The following DRC11 variants were observed in gnomAD, a reference collection of about 807,000 sequenced individuals.
DRC11 encodes IQ and AAA domain-containing protein 1.
chr2:236,433,569 T>C, the DRC11 span, among the ~76,000 whole-genome samples: 2 of 152,250 alleles, frequency 1.3e-5, no homozygotes, highest in Admixed American at 6.5e-5. Context: ...ACAACAGCGA[T>C]TGCTTTCTGC....
chr2:236,504,624 G>A, the DRC11 span, among the ~76,000 whole-genome samples: 1 of 152,162 alleles, frequency 6.6e-6, no homozygotes, highest in Non-Finnish European at 1.5e-5. The surrounding 1 kb of genome is among the most constrained non-coding windows in gnomAD (Gnocchi z 5.0). Flanking sequence ...ACTACTGTGG[G>A]ATGGTGATGT....
At chr2:236,310,848 T>G in the DRC11 span, among the ~76,000 whole-genome samples, 1 of 152,364 alleles carries the variant, frequency 6.6e-6, no homozygotes, top group East Asian at 1.9e-4. The surrounding 1 kb of genome is among the most constrained non-coding windows in gnomAD (Gnocchi z 5.5). Context: ...AAGCTTCCCT[T>G]AGAGAATGCT....
At chr2:236,383,206 C>A in the DRC11 span, among the ~76,000 whole-genome samples, 1 of 152,094 alleles carries the variant, frequency 6.6e-6, no homozygotes, top group Non-Finnish European at 1.5e-5. Flanking sequence ...AGAATGTATC[C>A]ATTTCTTCTA....
chr2:236,485,712 T>C, the DRC11 span, among the ~76,000 whole-genome samples: 4 of 152,164 alleles, frequency 2.6e-5, no homozygotes, highest in South Asian at 8.3e-4. Flanking sequence ...CATTCCAAGC[T>C]ACTGCAGGGA....
the DRC11 span, among the ~76,000 whole-genome samples, chr2:236,403,858 G>T: frequency 6.6e-6 from 1 of 151,870 alleles, no homozygotes; most frequent in Non-Finnish European, 1.5e-5. Context: ...ATCCTCGCTC[G>T]CTGTGCCTCG....
At chr2:236,355,718 TA>T in the DRC11 span, among the ~76,000 whole-genome samples, 1 of 144,032 alleles carries the variant, frequency 6.9e-6, no homozygotes, top group East Asian at 1.9e-4. Flanking sequence ...ACACTAATTG[TA>T]CATCTCTCTC....
chr2:236,405,161 T>C, the DRC11 span, among the ~76,000 whole-genome samples: 3 of 152,148 alleles, frequency 2.0e-5, no homozygotes, highest in African/African-American at 4.8e-5. The surrounding 1 kb of genome is among the most constrained non-coding windows in gnomAD (Gnocchi z 4.6). Flanking sequence ...ATTTCTTACA[T>C]TTGGCCCACC....
the DRC11 span, among the ~76,000 whole-genome samples, chr2:236,459,612 T>C: frequency 7.2e-6 from 1 of 139,672 alleles, no homozygotes; most frequent in African/African-American, 2.8e-5. Flanking sequence ...TATATACGTA[T>C]ATAAGTATAT....
the DRC11 span, chr2:236,454,849 A>G: frequency 6.6e-6 from 1 of 152,212 alleles, no homozygotes; most frequent in Admixed American, 6.5e-5. This position sits in a 1 kb window ranked among gnomAD's most constrained non-coding sequence, Gnocchi z 5.3. Flanking sequence ...TGTAGTTCTC[A>G]ATCTGCCAGT....
chr2:236,343,648 T>C, the DRC11 span: 1 of 1,096,932 alleles, frequency 9.1e-7, no homozygotes, highest in East Asian at 5.9e-5. This position sits in a 1 kb window ranked among gnomAD's most constrained non-coding sequence, Gnocchi z 6.6. Flanking sequence ...GCATTTCTCT[T>C]AGACGTGGGA....
At chr2:236,503,814 C>G in the DRC11 span, 1 of 924,902 alleles carries the variant, frequency 1.1e-6, no homozygotes, top group South Asian at 1.4e-5. The surrounding 1 kb of genome is among the most constrained non-coding windows in gnomAD (Gnocchi z 4.9). Context: ...TGGGGAGCCC[C>G]CACTTTGCGC....
chr2:236,395,301 G>A, the DRC11 span, among the ~76,000 whole-genome samples: 7 of 152,222 alleles, frequency 4.6e-5, no homozygotes, highest in Non-Finnish European at 8.8e-5. Context: ...GCCTACAGGA[G>A]GCAGCTGGGA....
At chr2:236,453,337 C>A in the DRC11 span, among the ~76,000 whole-genome samples, 1 of 152,162 alleles carries the variant, frequency 6.6e-6, no homozygotes, top group African/African-American at 2.4e-5. The surrounding 1 kb of genome is among the most constrained non-coding windows in gnomAD (Gnocchi z 4.9). Flanking sequence ...GAAGATCTCC[C>A]AGCCTTATTT....
the DRC11 span, among the ~76,000 whole-genome samples, chr2:236,337,631 C>T: frequency 2.6e-5 from 4 of 152,306 alleles, no homozygotes; most frequent in South Asian, 8.3e-4. This position sits in a 1 kb window ranked among gnomAD's most constrained non-coding sequence, Gnocchi z 4.9. Context: ...GGCTCCTCCT[C>T]GCTCCACTGC....
the DRC11 span, among the ~76,000 whole-genome samples, chr2:236,470,824 C>G: frequency 3.0e-4 from 45 of 151,906 alleles, no homozygotes; most frequent in African/African-American, 1.1e-3. This position sits in a 1 kb window ranked among gnomAD's most constrained non-coding sequence, Gnocchi z 5.1. Context: ...TTTTAGTGGG[C>G]ACAAAACTAT....
the DRC11 span, among the ~76,000 whole-genome samples, chr2:236,413,888 A>G: frequency 5.3e-5 from 8 of 152,206 alleles, no homozygotes; most frequent in African/African-American, 1.9e-4. This position sits in a 1 kb window ranked among gnomAD's most constrained non-coding sequence, Gnocchi z 4.0. Context: ...TTTTGTTTCT[A>G]AAGCCAATGT....
chr2:236,465,807 G>C, the DRC11 span: 1 of 767,684 alleles, frequency 1.3e-6, no homozygotes. This position sits in a 1 kb window ranked among gnomAD's most constrained non-coding sequence, Gnocchi z 6.2. Context: ...ATCTTCCATA[G>C]TGTCTAGCAA....
the DRC11 span, among the ~76,000 whole-genome samples, chr2:236,375,842 A>G: frequency 1.3e-5 from 2 of 152,364 alleles, no homozygotes; most frequent in East Asian, 3.9e-4. The surrounding 1 kb of genome is among the most constrained non-coding windows in gnomAD (Gnocchi z 4.2). Flanking sequence ...TATCTATTCA[A>G]TGTAGAAGGA....
the DRC11 span, among the ~76,000 whole-genome samples, chr2:236,357,186 C>CAT: frequency 0.12 from 12,527 of 102,316 alleles, 1,390 homozygotes; most frequent in Non-Finnish European, 0.17. Flanking sequence ...TATATATATT[C>CAT]ATATATATTA....
Sources: allele counts gnomAD v4.1 joint callset (sites outside exome capture counted in the v4.1 genomes callset), GRCh38; gene constraint gnomAD v4.1.1; non-coding constraint Gnocchi (gnomAD v3.1); transcripts MANE v1.5; gene names NCBI Gene and HGNC (gene_info 2026-07-23, HGNC 2026-07-21).